CADM2: variants seen among roughly 807,000 people sequenced by gnomAD.
CADM2 encodes the protein cell adhesion molecule 2.
CADM2 carries 12 observed loss-of-function variants against 49.8 expected under a neutral mutation model. The observed-to-expected ratio is 0.24, with a 90% CI of 0.15 to 0.39. The LOEUF (loss-of-function observed/expected upper bound fraction) is 0.39, where lower values mean the gene tolerates loss of function less well. CADM2 is among the 10% of genes least tolerant of loss of function. The pLI is 1.00. For synonymous variants in CADM2, 214 were observed against 175.4 expected, an observed-to-expected ratio of 1.22 and a Z score of -1.74; for missense variants, 378 against 492.3, an observed-to-expected ratio of 0.77 and a Z score of 2.20.
intron 1 of CADM2, among the ~76,000 whole-genome samples, chr3:85,635,210 C>T (rs1237709686): frequency 6.6e-6 from 1 of 152,064 alleles, no homozygotes; most frequent in East Asian, 1.9e-4. Context: ...TGGTAAGGAT[C>T]ACATCATGCC....
intron 8 of CADM2, among the ~76,000 whole-genome samples, chr3:85,977,464 G>T (rs1726936669): frequency 6.6e-6 from 1 of 151,378 alleles, no homozygotes; most frequent in East Asian, 1.9e-4. Context: ...TATATTTTGA[G>T]ATCCTAATCA....
intron 1 of CADM2, among the ~76,000 whole-genome samples, chr3:85,581,732 G>A (rs772333444): frequency 6.6e-6 from 1 of 151,602 alleles, no homozygotes; most frequent in African/African-American, 2.4e-5. Context: ...CAGCAGTGTG[G>A]TAATTACATG....
chr3:85,672,948 T>A (rs1371413030), intron 1 of CADM2, among the ~76,000 whole-genome samples: 4 of 152,202 alleles, frequency 2.6e-5, no homozygotes. Context: ...ATAATACCCA[T>A]GTTTCTGTAG....
chr3:86,032,195 C>T (rs923429691), intron 8 of CADM2, among the ~76,000 whole-genome samples: 2 of 151,680 alleles, frequency 1.3e-5, no homozygotes, highest in South Asian at 2.1e-4. Flanking sequence ...CTATACTATA[C>T]AAAAAAATCT....
chr3:85,210,326 A>G (rs1361061962), intron 1 of CADM2, among the ~76,000 whole-genome samples: 2 of 152,158 alleles, frequency 1.3e-5, no homozygotes, highest in Non-Finnish European at 2.9e-5. Context: ...GGTAAATGCC[A>G]TTTAGTCATG....
chr3:85,451,105 T>G (rs2107567650), intron 1 of CADM2, among the ~76,000 whole-genome samples: 1 of 152,204 alleles, frequency 6.6e-6, no homozygotes, highest in South Asian at 2.1e-4. Flanking sequence ...ATGATTCTAA[T>G]TTTTCAAAAG....
At chr3:85,677,021 G>A (rs546035091) in intron 1 of CADM2, among the ~76,000 whole-genome samples, 6 of 152,106 alleles carry the variant, frequency 3.9e-5, no homozygotes, top group Non-Finnish European at 8.8e-5. Flanking sequence ...GACATTGTGG[G>A]AACTCTCATT....
intron 1 of CADM2, among the ~76,000 whole-genome samples, chr3:85,098,379 A>T (rs1239148207): frequency 2.6e-5 from 4 of 152,140 alleles, no homozygotes; most frequent in Admixed American, 6.5e-5. Context: ...AAGAAATCTT[A>T]ACTTTCTATC....
chr3:85,484,084 G>A (rs1324190326), intron 1 of CADM2, among the ~76,000 whole-genome samples: 1 of 151,730 alleles, frequency 6.6e-6, no homozygotes, highest in African/African-American at 2.4e-5. Flanking sequence ...TAGCCTGGAG[G>A]CATATCCCAT....
At chr3:85,625,267 A>G (rs1314656120) in intron 1 of CADM2, among the ~76,000 whole-genome samples, 2 of 152,106 alleles carry the variant, frequency 1.3e-5, no homozygotes, top group Non-Finnish European at 2.9e-5. Flanking sequence ...AACTTTTTGC[A>G]TATTATTTCC....
intron 3 of CADM2, among the ~76,000 whole-genome samples, chr3:85,817,168 G>A (rs745449875): frequency 6.6e-6 from 1 of 152,152 alleles, no homozygotes; most frequent in Non-Finnish European, 1.5e-5. Context: ...CAAAGTGTGG[G>A]TATTTTTAAG....
intron 1 of CADM2, among the ~76,000 whole-genome samples, chr3:85,073,276 A>C (rs1247877374): frequency 2.0e-5 from 3 of 152,130 alleles, no homozygotes; most frequent in Non-Finnish European, 4.4e-5. Flanking sequence ...TAATATACAG[A>C]CTTTACGTGA....
At chr3:85,019,646 G>T (rs187194537) in intron 1 of CADM2, among the ~76,000 whole-genome samples, 1 of 152,198 alleles carries the variant, frequency 6.6e-6, no homozygotes, top group East Asian at 1.9e-4. Context: ...GAGAAACAAG[G>T]CTAGCAAAAA....
chr3:85,776,336 T>TACAC (rs141105558), intron 2 of CADM2, among the ~76,000 whole-genome samples: 32,569 of 146,084 alleles, frequency 0.22, 3,801 homozygotes, highest in East Asian at 0.55. Context: ...CAAACTCTCT[T>TACAC]ACACACACAC....
intron 3 of CADM2, among the ~76,000 whole-genome samples, chr3:85,850,917 A>G (rs890378689): frequency 6.6e-6 from 1 of 152,166 alleles, no homozygotes; most frequent in African/African-American, 2.4e-5. Context: ...CCTTTACTGG[A>G]TGCCGAGACC....
At chr3:85,966,885 A>C (rs1725545597) in intron 8 of CADM2, among the ~76,000 whole-genome samples, 1 of 151,660 alleles carries the variant, frequency 6.6e-6, no homozygotes, top group Non-Finnish European at 1.5e-5. Flanking sequence ...AGGATACGTC[A>C]TATTTTATTG....
chr3:85,905,373 T>C (rs751748732), intron 5 of CADM2, among the ~76,000 whole-genome samples: 1 of 152,112 alleles, frequency 6.6e-6, no homozygotes, highest in Non-Finnish European at 1.5e-5. Context: ...TAAAAAGAGA[T>C]AAACTACAAA....
Position 85,489,446 on chromosome 3 carries a change from A to G in CADM2, c.62-237076A>G, listed in dbSNP as rs114832841. On this transcript the variant is annotated intron_variant, in intron 1 of 9. Coordinates refer to ENST00000383699, the MANE Select transcript of CADM2 (RefSeq NM_001167675.2). Reference sequence around the variant, plus strand: ...TTACAAGTTTTCATTTAATATATTTATAAGTTCAATATACATTTCTGCATT... The same window carrying G: ...TTACAAGTTTTCATTTAATATATTTGTAAGTTCAATATACATTTCTGCATT... Among the ~76,000 whole-genome samples, 983 of 152,286 alleles carry G rather than the reference A, an allele frequency of 6.5e-3. 5 individuals are homozygous for G. The highest frequency in any genetic ancestry group is 0.011 in the Non-Finnish European group (773 of 68,004).
intron 1 of CADM2, among the ~76,000 whole-genome samples, chr3:84,970,650 A>G (rs2031363728): frequency 6.6e-6 from 1 of 152,058 alleles, no homozygotes; most frequent in African/African-American, 2.4e-5. Flanking sequence ...TATTCTGTAA[A>G]TAAATGTCAA....
Sources: allele counts gnomAD v4.1 joint callset (sites outside exome capture counted in the v4.1 genomes callset), GRCh38; gene constraint gnomAD v4.1.1; transcripts MANE v1.5; gene names NCBI Gene and HGNC (gene_info 2026-07-23, HGNC 2026-07-21).